Variants in BCAS3 observed in about 807,000 individuals in gnomAD.
The protein encoded by BCAS3 is BCAS3 microtubule associated cell migration factor, also known as BCAS4/BCAS3 fusion.
A neutral mutation model predicts 116.1 loss-of-function variants in BCAS3; 53 were observed. That is an observed-to-expected ratio of 0.46 (90% CI 0.37 to 0.57). BCAS3 has a LOEUF of 0.57. Among genes scored for constraint, BCAS3 ranks in the 20% least tolerant of loss-of-function variants. BCAS3 has a pLI of 0.00. For missense variants in BCAS3, 917 were observed against 1,165.4 expected, an observed-to-expected ratio of 0.79 and a Z score of 3.10; for synonymous variants, 391 against 408.2, an observed-to-expected ratio of 0.96 and a Z score of 0.51.
At chr17:60,794,259 T>G (rs971495085) in intron 6 of BCAS3, among the ~76,000 whole-genome samples, 1 of 152,192 alleles carries the variant, frequency 6.6e-6, no homozygotes, top group African/African-American at 2.4e-5. Flanking sequence ...GGGATTGTTT[T>G]TTTCTTACTA....
At chr17:60,680,297 G>A (rs947661063) in intron 2 of BCAS3, among the ~76,000 whole-genome samples, 22 of 152,158 alleles carry the variant, frequency 1.4e-4, no homozygotes, top group African/African-American at 4.8e-4. Flanking sequence ...TAACTTTTAA[G>A]TTCAAGGGTA....
intron 6 of BCAS3, among the ~76,000 whole-genome samples, chr17:60,770,878 C>T (rs113341353): frequency 0.059 from 6,468 of 110,552 alleles, 608 homozygotes; most frequent in African/African-American, 0.18. Flanking sequence ...GACAGGGTCT[C>T]ACTCTGTCAC....
intron 22 of BCAS3, among the ~76,000 whole-genome samples, chr17:61,304,902 C>A (rs917559463): frequency 2.0e-5 from 3 of 152,034 alleles, no homozygotes; most frequent in African/African-American, 7.2e-5. Context: ...TACAGGCGTG[C>A]ACCACCACGC....
At chr17:60,987,236 C>G (rs2063198595) in intron 14 of BCAS3, 1 of 147,414 alleles carries the variant, frequency 6.8e-6, no homozygotes, top group Non-Finnish European at 1.5e-5. Context: ...TACTATACCT[C>G]TGTAGTATAA....
At chr17:60,777,144 C>T (rs988061157) in intron 6 of BCAS3, among the ~76,000 whole-genome samples, 3 of 152,050 alleles carry the variant, frequency 2.0e-5, no homozygotes, top group African/African-American at 7.2e-5. Flanking sequence ...GAGGCAGCTC[C>T]GTGACTTCCA....
chr17:60,727,595 A>C (rs879425135), intron 5 of BCAS3: 24 of 798,146 alleles, frequency 3.0e-5, no homozygotes, highest in Middle Eastern at 2.5e-4. Context: ...TTTATTTTTA[A>C]GGGCAGTTTT....
chr17:60,950,615 T>C (rs1303651351), intron 14 of BCAS3, among the ~76,000 whole-genome samples: 1 of 152,212 alleles, frequency 6.6e-6, no homozygotes, highest in African/African-American at 2.4e-5. Flanking sequence ...TAACTAATTT[T>C]TTAAAAGTCA....
At chr17:61,236,453 G>C (rs142252142) in intron 22 of BCAS3, among the ~76,000 whole-genome samples, 1 of 152,122 alleles carries the variant, frequency 6.6e-6, no homozygotes, top group Non-Finnish European at 1.5e-5. Flanking sequence ...CTGAATAGCT[G>C]GGACTATAGG....
intron 5 of BCAS3, among the ~76,000 whole-genome samples, chr17:60,734,136 T>C (rs992138221): frequency 6.6e-6 from 1 of 152,198 alleles, no homozygotes; most frequent in Non-Finnish European, 1.5e-5. Context: ...AAAGTGTTGC[T>C]CTAATCCCCA....
At chr17:61,010,644 C>T (rs2065049615) in intron 15 of BCAS3, among the ~76,000 whole-genome samples, 1 of 151,870 alleles carries the variant, frequency 6.6e-6, no homozygotes, top group Non-Finnish European at 1.5e-5. Context: ...AAAAACAAGA[C>T]ATCATAGCTT....
intron 22 of BCAS3, among the ~76,000 whole-genome samples, chr17:61,359,883 A>G (rs1237292953): frequency 6.6e-6 from 1 of 152,144 alleles, no homozygotes; most frequent in Admixed American, 6.5e-5. Context: ...TTTGGGATCT[A>G]TCTGCTTCCT....
chr17:61,212,274 G>C (rs1242178504), intron 22 of BCAS3, among the ~76,000 whole-genome samples: 12 of 152,054 alleles, frequency 7.9e-5, no homozygotes. Context: ...GTCTCCGTCT[G>C]TCACCCAGGC....
In BCAS3 at chr17:60,868,498, T is replaced by C. The variant is rs1343917930; in HGVS notation, c.477-78T>C. 4 of 765,284 alleles carry C rather than the reference T, an allele frequency of 5.2e-6. No homozygotes were observed. In the African/African-American group the frequency reaches 5.6e-5, roughly 11 times the overall value. 47.4% of individuals were successfully genotyped at this position (765,284 alleles called of 1,614,324 possible). ...TTGTTAATCAGAGGTTTGAATATTA[T>C]GTTAATGAGAAAGTATAGAGATTAT... On this transcript the variant is annotated intron_variant, in intron 7 of 23. Coordinates refer to ENST00000407086, the MANE Select transcript of BCAS3 (RefSeq NM_017679.5).
intron 9 of BCAS3, among the ~76,000 whole-genome samples, chr17:60,880,955 T>G (rs541811079): frequency 1.3e-4 from 19 of 151,164 alleles, no homozygotes; most frequent in South Asian, 6.2e-4. Flanking sequence ...TTTCTTCTTT[T>G]TTTTGTTTTG....
chr17:61,007,885 A>G lies in BCAS3; in HGVS notation c.1487-7866A>G, dbSNP rs1029631078. Among the ~76,000 whole-genome samples the G allele has an allele frequency of 7.2e-5, 11 of 152,114 alleles. No individual in the cohort carries two copies. The highest frequency in any genetic ancestry group is 2.7e-4 in the African/African-American group (11 of 41,430). ...TTGCTTGAAATGCATCAAAAATTGC[A>G]GTGTTTTTACTTCACCATCGATTGC... is the stretch of plus-strand genomic sequence containing the variant. On this transcript the variant is annotated intron_variant, in intron 15 of 23. Transcript: ENST00000407086. This position sits in a 1 kb window ranked among gnomAD's most constrained non-coding sequence, Gnocchi z 4.3.
rs976555542 is a variant in BCAS3 at position 61,380,353 on chromosome 17, G to T, written c.2594-11624G>T. On this transcript the variant is annotated intron_variant, in intron 23 of 23. Transcript: ENST00000407086. This position sits in a 1 kb window ranked among gnomAD's most constrained non-coding sequence, Gnocchi z 4.2. ...GAGAAATCTGTAAAACCCTAGATGT[G>T]CTGTGCCTGGGAACAGACCATGAAC... 6 of 668,368 alleles carry T rather than the reference G, an allele frequency of 9.0e-6. No individual in the cohort carries two copies. In the African/African-American group the frequency reaches 1.1e-4, roughly 12 times the overall value. 41.4% of individuals were successfully genotyped at this position (668,368 alleles called of 1,614,324 possible).
rs1444590847 is a variant in BCAS3, at chr17:61,189,237, A to T, written c.2425+104673A>T. Among the ~76,000 whole-genome samples, 1 of 152,240 alleles carries T rather than the reference A, an allele frequency of 6.6e-6. No individual in the cohort carries two copies. The highest frequency in any genetic ancestry group is 2.4e-5 in the African/African-American group (1 of 41,464). On this transcript the variant is annotated intron_variant, in intron 22 of 23. Transcript: ENST00000407086. The surrounding 1 kb of genome is among the most constrained non-coding windows in gnomAD (Gnocchi z 4.5). The stretch of plus-strand genomic sequence containing the variant: ...AATATTTAAGGAAAGCTTTCTGTAG[A>T]AGTACACCTGGGAGAAGTGTAATAG...
chr17:60,938,842 A>G (rs1036658647), intron 13 of BCAS3, among the ~76,000 whole-genome samples: 4 of 152,234 alleles, frequency 2.6e-5, no homozygotes, highest in Non-Finnish European at 4.4e-5. Context: ...CAGTAAGCAC[A>G]CAAAAAACTG....
At chr17:60,744,569 A>G (rs985423172) in intron 5 of BCAS3, among the ~76,000 whole-genome samples, 1 of 152,090 alleles carries the variant, frequency 6.6e-6, no homozygotes, top group Non-Finnish European at 1.5e-5. Context: ...CTCCTCGAGG[A>G]AGTTTGACAT....
Sources: gnomAD v4.1 joint callset for allele counts (sites outside exome capture counted in the v4.1 genomes callset) on GRCh38, gnomAD v4.1.1 for gene constraint, Gnocchi (gnomAD v3.1) non-coding constraint, MANE v1.5 for transcripts, NCBI Gene and HGNC (gene_info 2026-07-23, HGNC 2026-07-21) for gene names.